ST3GAL4: variants seen among roughly 807,000 people sequenced by gnomAD.
ST3GAL4 encodes the protein CMP-N-acetylneuraminate-beta-galactosamide-alpha-2,3-sialyltransferase 4.
Under a neutral mutation model 42.6 loss-of-function variants are expected in ST3GAL4, and 24 were observed. That is an observed-to-expected ratio of 0.56 (90% CI 0.41 to 0.79). ST3GAL4 has a LOEUF of 0.79. ST3GAL4 is among the 30% of genes least tolerant of loss of function. The probability of loss-of-function intolerance (pLI) is 0.00; values close to 1 mark genes in which losing one functional copy is unlikely to be tolerated. For synonymous variants in ST3GAL4, 135 were observed against 163.2 expected (o/e 0.83, Z 1.32); for missense variants, 311 against 430.8 (o/e 0.72, Z 2.46).
chr11:126,406,293 C>T lies in ST3GAL4; in HGVS notation c.16+122C>T. 7.8e-6 allele frequency: 12 copies of T among 1,544,244 alleles called. No homozygotes were observed. The highest frequency in any genetic ancestry group is 1.0e-5 in the Non-Finnish European group (12 of 1,144,058). On this transcript the variant is annotated intron_variant, in intron 2 of 10. Transcript: ENST00000444328. This position sits in a 1 kb window ranked among gnomAD's most constrained non-coding sequence, Gnocchi z 5.4. ...ACAGGGAGCCAGGGGCCCTTCTCTT[C>T]ATCTTGAAGGACAGTGGGTACAATC...
chr11:126,405,793 G>T, intron 1 of ST3GAL4: 1 of 374,666 alleles, frequency 2.7e-6, no homozygotes, highest in Non-Finnish European at 4.9e-6. Flanking sequence ...AGAAGGAGAT[G>T]GTGAGAAGAA....
rs186942934 is a variant in ST3GAL4 at position 126,402,909 on chromosome 11, C to T, written c.-60-3187C>T. Among the ~76,000 whole-genome samples, 700 of 152,332 alleles carry T rather than the reference C, an allele frequency of 4.6e-3. 8 individuals carry two copies. The highest frequency in any genetic ancestry group is 7.7e-3 in the Admixed American group (118 of 15,310). ...CTTCCTACCCGGGGGCACCTTTGCC[C>T]AGCAGGTCGGGTGAGCTGGCCTCTT... On this transcript the variant is annotated intron_variant, in intron 1 of 10. Transcript: ENST00000444328.
rs377341889 is a variant in ST3GAL4, at chr11:126,379,164, G to A, written c.-61+23322G>A. On this transcript the variant is annotated intron_variant, in intron 1 of 10. Coordinates refer to ENST00000444328, the MANE Select transcript of ST3GAL4 (RefSeq NM_001254757.2). The surrounding 1 kb of genome is among the most constrained non-coding windows in gnomAD (Gnocchi z 4.2). ...CTCACTCAAGTGTGTATGGGAGCAG[G>A]TTCTAATATTAGTTGTGATTCTTTC... 6.6e-5 allele frequency among the ~76,000 whole-genome samples: 10 copies of A among 152,218 alleles called. No individual in the cohort carries two copies. Among genetic ancestry groups the A allele is most frequent in the Middle Eastern group, 3.2e-3 (1 of 316 alleles).
intron 1 of ST3GAL4, among the ~76,000 whole-genome samples, chr11:126,357,997 G>C (rs928377148): frequency 1.3e-5 from 2 of 152,254 alleles, no homozygotes; most frequent in Non-Finnish European, 2.9e-5. Flanking sequence ...TGGCTGGGGG[G>C]CCTGCAGGGG....
At position 126,406,261 on chromosome 11, in the gene ST3GAL4, G is replaced by C; in HGVS notation, c.16+90G>C. Reference sequence around the variant, plus strand: ...TCCTGGGACCTCTGGGGGCTGTGGAGGGACAGACAGGGAGCCAGGGGCCCT... The same window carrying C: ...TCCTGGGACCTCTGGGGGCTGTGGACGGACAGACAGGGAGCCAGGGGCCCT... On this transcript the variant is annotated intron_variant, in intron 2 of 10. Transcript: ENST00000444328. This position sits in a 1 kb window ranked among gnomAD's most constrained non-coding sequence, Gnocchi z 5.4. 1 of 1,549,032 alleles carries C rather than the reference G, an allele frequency of 6.5e-7. No individual in the cohort carries two copies. The highest frequency in any genetic ancestry group is 8.7e-7 in the Non-Finnish European group (1 of 1,146,502).
chr11:126,361,918 A>G (rs1002246742), intron 1 of ST3GAL4, among the ~76,000 whole-genome samples: 14 of 143,270 alleles, frequency 9.8e-5, no homozygotes, highest in African/African-American at 2.6e-4. Flanking sequence ...GTCTGGCTCT[A>G]TTGCCCAGGC....
In ST3GAL4 at chr11:126,355,832, C is replaced by T. The variant is rs1952040488; in HGVS notation, c.-71C>T. ...GGAACCGTGCTGCCCCGCCCCGCTC[C>T]ACCCGTGAGGGTGAGTACGCGGCGG... On this transcript the variant is annotated 5_prime_UTR_variant, in exon 1 of 11. Transcript: ENST00000444328. This position sits in a 1 kb window ranked among gnomAD's most constrained non-coding sequence, Gnocchi z 7.1. 6.7e-6 allele frequency: 1 copy of T among 150,310 alleles called. No individual in the cohort carries two copies. The highest frequency in any genetic ancestry group is 6.6e-5 in the Admixed American group (1 of 15,096). The allele number at this position is 150,310 out of a possible 1,614,324, so 9.3% of individuals were successfully genotyped here.
rs527976670 is a variant in ST3GAL4, at chr11:126,384,065, T to G, written c.-60-22031T>G. Among the ~76,000 whole-genome samples the G allele has an allele frequency of 6.6e-6, 1 of 152,312 alleles. No homozygotes were observed. Among genetic ancestry groups the G allele is most frequent in the East Asian group, 1.9e-4 (1 of 5,174 alleles). On this transcript the variant is annotated intron_variant, in intron 1 of 10. Coordinates refer to ENST00000444328, the MANE Select transcript of ST3GAL4 (RefSeq NM_001254757.2). This position sits in a 1 kb window ranked among gnomAD's most constrained non-coding sequence, Gnocchi z 5.5. ...GGCCCTCTCCTCTGGCGAGCCTGCC[T>G]TGATACTCCCCGGCTCAACCCCTTT...
rs1954360344 is a variant in ST3GAL4 at position 126,408,338 on chromosome 11, G to T, written c.469G>T (p.Gly157Cys). 1.2e-6 allele frequency: 2 copies of T among 1,614,130 alleles called. No individual in the cohort carries two copies. Among genetic ancestry groups the T allele is most frequent in the Non-Finnish European group, 1.7e-6 (2 of 1,180,020 alleles). The change falls in exon 8 of 11, where the codon GGT (glycine) becomes TGT (cysteine). Residue 157 changes from glycine to cysteine, a missense_variant. Coordinates refer to ENST00000444328, the MANE Select transcript of ST3GAL4 (RefSeq NM_001254757.2). ...LNNAPVAGYE[G>C]DVGSKTTMRL... ...CAATGCCCCAGTGGCTGGCTATGAGGGTGACGTGGGCTCCAAGACCACCAT... is the reference window on the plus strand; with the variant it reads ...CAATGCCCCAGTGGCTGGCTATGAGTGTGACGTGGGCTCCAAGACCACCAT...
rs542265653 is a variant in ST3GAL4, at chr11:126,370,168, G to A, written c.-61+14326G>A. Among the ~76,000 whole-genome samples, 3 of 152,234 alleles carry A rather than the reference G, an allele frequency of 2.0e-5. No individual in the cohort carries two copies. In the East Asian group the frequency reaches 5.8e-4, roughly 29 times the overall value. On this transcript the variant is annotated intron_variant, in intron 1 of 10. Transcript: ENST00000444328. The stretch of plus-strand genomic sequence containing the variant: ...TTTCTGTGGAATAAGCTTCTGGCAC[G>A]GAAGCCCCGGGGTAAAGGGTATTTT...
intron 1 of ST3GAL4, among the ~76,000 whole-genome samples, chr11:126,364,132 G>A (rs4055109): frequency 1.3e-5 from 2 of 152,234 alleles, no homozygotes; most frequent in Non-Finnish European, 2.9e-5. Flanking sequence ...CAAGGCAGAG[G>A]GAATGGGGAA....
intron 1 of ST3GAL4, among the ~76,000 whole-genome samples, chr11:126,374,315 GGT>G (rs1952755967): frequency 6.6e-6 from 1 of 152,012 alleles, no homozygotes; most frequent in African/African-American, 2.4e-5. Context: ...AGCTGGGTAT[GGT>G]GGTGCATGCC....
In ST3GAL4 at chr11:126,399,464, C is replaced by G. The variant is rs543226143; in HGVS notation, c.-60-6632C>G. 1.6e-4 allele frequency among the ~76,000 whole-genome samples: 24 copies of G among 151,706 alleles called. No homozygotes were observed. The South Asian group carries it at 4.8e-3, about 30-fold the overall frequency. ...GGATTTCAGGTGTGTGCCACCACAC[C>G]CAGCTAATTTTTTTGTATTTTTAGT... On this transcript the variant is annotated intron_variant, in intron 1 of 10. Transcript: ENST00000444328.
Position 126,384,772 on chromosome 11 carries a change from A to G in ST3GAL4, c.-60-21324A>G, listed in dbSNP as rs1372310848. 38 of 985,252 alleles carry G rather than the reference A, an allele frequency of 3.9e-5. No homozygotes were observed. Among genetic ancestry groups the G allele is most frequent in the Middle Eastern group, 5.2e-4 (1 of 1,936 alleles). The allele number at this position is 985,252 out of a possible 1,614,324, so 61.0% of individuals were successfully genotyped here. A position where few individuals can be genotyped will look rare whatever the true frequency, so the allele number is the denominator to read the frequency against. On this transcript the variant is annotated intron_variant, in intron 1 of 10. Coordinates refer to ENST00000444328, the MANE Select transcript of ST3GAL4 (RefSeq NM_001254757.2). This position sits in a 1 kb window ranked among gnomAD's most constrained non-coding sequence, Gnocchi z 5.5. ...TGGGTGAATCTGAGTCGAGGGCAGG[A>G]CAGAGTGGGAGTGGCAGTGCCTCTG...
intron 1 of ST3GAL4, among the ~76,000 whole-genome samples, chr11:126,356,919 C>T (rs566454623): frequency 3.3e-5 from 5 of 152,356 alleles, no homozygotes; most frequent in East Asian, 3.9e-4. Context: ...CAGACTCCAC[C>T]TCCTCTAGGT....
At position 126,398,669 on chromosome 11, in the gene ST3GAL4, C is replaced by T. The variant is rs1953879511; in HGVS notation, c.-60-7427C>T. On this transcript the variant is annotated intron_variant, in intron 1 of 10. Coordinates refer to ENST00000444328, the MANE Select transcript of ST3GAL4 (RefSeq NM_001254757.2). This position sits in a 1 kb window ranked among gnomAD's most constrained non-coding sequence, Gnocchi z 4.7. ...CTGGTGGTGGCTCTGACCCTGCAAC[C>T]AGTCTCTGCCTGGGTCCCGAGTCTG... Among the ~76,000 whole-genome samples the T allele has an allele frequency of 6.6e-6, 1 of 152,238 alleles. No individual in the cohort carries two copies. The highest frequency in any genetic ancestry group is 2.1e-4 in the South Asian group (1 of 4,834).
chr11:126,404,882 G>C (rs1954158581), intron 1 of ST3GAL4, among the ~76,000 whole-genome samples: 1 of 152,238 alleles, frequency 6.6e-6, no homozygotes, highest in Non-Finnish European at 1.5e-5. Flanking sequence ...TCCACCATAG[G>C]ACAGGGCTCA....
intron 1 of ST3GAL4, among the ~76,000 whole-genome samples, chr11:126,375,869 CTTTTTTTTTTTTTTTTTT>C (rs11443803): frequency 8.2e-6 from 1 of 122,646 alleles, no homozygotes; most frequent in East Asian, 2.3e-4. Flanking sequence ...CCTTTTCTTC[CTTTTTTTTTTTTTTTTTT>C]TTGCCCCTGG....
chr11:126,406,248 TG>T lies in ST3GAL4; in HGVS notation c.16+82del. On this transcript the variant is annotated intron_variant, in intron 2 of 10. Coordinates refer to ENST00000444328, the MANE Select transcript of ST3GAL4 (RefSeq NM_001254757.2). This position sits in a 1 kb window ranked among gnomAD's most constrained non-coding sequence, Gnocchi z 5.4. ...GTCTTCAGCAGGATCCTGGGACCTC[TG>T]GGGGCTGTGGAGGGACAGACAGGGA... 1 of 1,550,360 alleles carries T rather than the reference TG, an allele frequency of 6.5e-7. No individual in the cohort carries two copies. The highest frequency in any genetic ancestry group is 1.2e-5 in the South Asian group (1 of 84,012).
Sources: allele counts gnomAD v4.1 joint callset (sites outside exome capture counted in the v4.1 genomes callset), GRCh38; gene constraint gnomAD v4.1.1; non-coding constraint Gnocchi (gnomAD v3.1); transcripts MANE v1.5; gene names NCBI Gene and HGNC (gene_info 2026-07-23, HGNC 2026-07-21).